Variants in CLDN10 observed in about 807,000 individuals in gnomAD.
The protein encoded by CLDN10 is claudin 10.
A neutral mutation model predicts 22.9 loss-of-function variants in CLDN10; 15 were observed. The observed-to-expected ratio is 0.65, with a 90% CI of 0.44 to 1.01. CLDN10 has a LOEUF of 1.01. Among genes scored for constraint, CLDN10 ranks in the 50% least tolerant of loss-of-function variants. CLDN10 has a pLI of 0.00. For missense variants in CLDN10, 247 were observed against 287.8 expected (o/e 0.86, Z 1.03); for synonymous variants, 114 against 111.4 (o/e 1.02, Z -0.15).
Position 95,552,852 on chromosome 13 carries a change from T to C in CLDN10, c.99T>C (p.Ser33=). 1 of 1,614,116 alleles carries C rather than the reference T, an allele frequency of 6.2e-7. No individual in the cohort carries two copies. The highest frequency in any genetic ancestry group is 8.5e-7 in the Non-Finnish European group (1 of 1,179,996). ...TGCCCACCGACTACTGGAAGGTGTC[T>C]ACCATCGACGGCACGGTCATCACAA... ...STLPTDYWKV[S]TIDGTVITTA... is the part of the protein sequence containing the mutation. The change falls in exon 1 of 5, where the codon TCT becomes TCC. Residue 33 remains serine, a synonymous_variant. Transcript: ENST00000299339.
chr13:95,470,261 G>C (rs773210241), intron 1 of CLDN10, among the ~76,000 whole-genome samples: 5 of 152,146 alleles, frequency 3.3e-5, no homozygotes, highest in Non-Finnish European at 1.5e-5. Context: ...CTAATCCTAA[G>C]ATTAGATTGT....
chr13:95,558,151 G>A (rs1482883772), intron 1 of CLDN10, among the ~76,000 whole-genome samples: 1 of 152,106 alleles, frequency 6.6e-6, no homozygotes, highest in African/African-American at 2.4e-5. Context: ...TTCACAAAAA[G>A]AGCGAAACCA....
intron 1 of CLDN10, among the ~76,000 whole-genome samples, chr13:95,448,874 G>T (rs977807684): frequency 6.6e-6 from 1 of 151,432 alleles, no homozygotes; most frequent in Middle Eastern, 3.4e-3. Flanking sequence ...CAAGTAGCTG[G>T]GATTATAGGC....
At chr13:95,512,881 A>T (rs749080956) in intron 1 of CLDN10, among the ~76,000 whole-genome samples, 12 of 151,966 alleles carry the variant, frequency 7.9e-5, no homozygotes, top group Non-Finnish European at 1.8e-4. Flanking sequence ...TTTTATTTTT[A>T]TTTATTTATT....
chr13:95,460,979 G>A (rs1410684630), intron 1 of CLDN10, among the ~76,000 whole-genome samples: 1 of 152,122 alleles, frequency 6.6e-6, no homozygotes, highest in Non-Finnish European at 1.5e-5. Context: ...GATGTGGGTG[G>A]TGCACACCTG....
chr13:95,555,055 T>G (rs1041217540), intron 1 of CLDN10, among the ~76,000 whole-genome samples: 1 of 150,008 alleles, frequency 6.7e-6, no homozygotes, highest in African/African-American at 2.4e-5. Context: ...CAGTTTTTTT[T>G]TTTTTTTTTT....
intron 1 of CLDN10, among the ~76,000 whole-genome samples, chr13:95,498,019 A>AT (rs1023304071): frequency 2.0e-5 from 3 of 152,226 alleles, no homozygotes; most frequent in African/African-American, 7.2e-5. Flanking sequence ...CCAAGGGGAA[A>AT]TTTTTACAGT....
At chr13:95,441,515 A>G (rs909224093) in intron 1 of CLDN10, among the ~76,000 whole-genome samples, 5 of 152,200 alleles carry the variant, frequency 3.3e-5, no homozygotes, top group African/African-American at 1.2e-4. Context: ...TGCTGGGATT[A>G]TAAGCATGAG....
chr13:95,457,182 C>T (rs973134640), intron 1 of CLDN10, among the ~76,000 whole-genome samples: 5 of 152,138 alleles, frequency 3.3e-5, no homozygotes, highest in African/African-American at 1.2e-4. Flanking sequence ...TATGTCTTAA[C>T]CCTGGCATAT....
chr13:95,435,520 C>T (rs2042259965), intron 1 of CLDN10, among the ~76,000 whole-genome samples: 1 of 152,146 alleles, frequency 6.6e-6, no homozygotes, highest in Non-Finnish European at 1.5e-5. Context: ...CACTTAGTCC[C>T]TGAAATAACA....
At chr13:95,514,346 A>C (rs2043138658) in intron 1 of CLDN10, among the ~76,000 whole-genome samples, 1 of 152,128 alleles carries the variant, frequency 6.6e-6, no homozygotes, top group African/African-American at 2.4e-5. Context: ...GAGAATTTAC[A>C]CCACAGAAAT....
chr13:95,520,387 T>C (rs2043212211), intron 1 of CLDN10, among the ~76,000 whole-genome samples: 1 of 152,204 alleles, frequency 6.6e-6, no homozygotes, highest in African/African-American at 2.4e-5. Context: ...TATTTATTTA[T>C]TTAGAGATGG....
chr13:95,561,752 G>T (rs186045461), intron 3 of CLDN10, among the ~76,000 whole-genome samples: 15 of 147,966 alleles, frequency 1.0e-4, no homozygotes, highest in Admixed American at 8.9e-4. Context: ...TCATCAAGAG[G>T]TTTCTTTCGT....
In CLDN10 at chr13:95,441,980, G is replaced by A. The variant is rs565326841; in HGVS notation, c.214+7933G>A. Among the ~76,000 whole-genome samples, 7 of 152,180 alleles carry A rather than the reference G, an allele frequency of 4.6e-5. No individual in the cohort carries two copies. In the East Asian group the frequency reaches 5.8e-4, roughly 13 times the overall value. On this transcript the variant is annotated intron_variant, in intron 1 of 4. Coordinates refer to the CLDN10 transcript ENST00000376873. Reference sequence around the variant, plus strand: ...AGCCTGGGCAACATGGTGAAACCCCGTCTCTACAAAAAGTACAAAAATTAG... The same window carrying A: ...AGCCTGGGCAACATGGTGAAACCCCATCTCTACAAAAAGTACAAAAATTAG...
chr13:95,456,504 G>A (rs1210092556), intron 1 of CLDN10, among the ~76,000 whole-genome samples: 3 of 152,104 alleles, frequency 2.0e-5, no homozygotes, highest in Non-Finnish European at 4.4e-5. Context: ...TGTAATCTCA[G>A]CACTTTGAGA....
intron 1 of CLDN10, among the ~76,000 whole-genome samples, chr13:95,516,838 T>G (rs1040516094): frequency 2.0e-5 from 3 of 152,120 alleles, no homozygotes; most frequent in African/African-American, 7.2e-5. Flanking sequence ...AACCAAAAAT[T>G]TAATCAGAAT....
intron 1 of CLDN10, among the ~76,000 whole-genome samples, chr13:95,544,698 C>T (rs1189276581): frequency 6.6e-6 from 1 of 152,076 alleles, no homozygotes; most frequent in Non-Finnish European, 1.5e-5. Context: ...ACGAAGCCTC[C>T]TAGTAATACA....
At chr13:95,478,964 T>A (rs1005080411) in intron 1 of CLDN10, among the ~76,000 whole-genome samples, 2 of 152,236 alleles carry the variant, frequency 1.3e-5, no homozygotes, top group Non-Finnish European at 2.9e-5. Context: ...GCGTAAGGTT[T>A]AAGGAACTTT....
intron 3 of CLDN10, among the ~76,000 whole-genome samples, chr13:95,562,142 G>C (rs946533252): frequency 1.3e-5 from 2 of 151,542 alleles, no homozygotes; most frequent in African/African-American, 4.9e-5. Flanking sequence ...ATTTTGGCCA[G>C]GCTGGTCTCG....
Sources: allele counts gnomAD v4.1 joint callset (sites outside exome capture counted in the v4.1 genomes callset), GRCh38; gene constraint gnomAD v4.1.1; transcripts MANE v1.5; gene names NCBI Gene and HGNC (gene_info 2026-07-23, HGNC 2026-07-21).